The following ELFN1 variants were observed in gnomAD, a reference collection of about 807,000 sequenced individuals.
The protein encoded by ELFN1 is extracellular leucine rich repeat and fibronectin type III domain containing 1.
In ELFN1, 6 loss-of-function variants were observed where a neutral mutation model predicts 7.6. That is an observed-to-expected ratio of 0.79 (90% CI 0.43 to 1.56). The LOEUF is 1.56. Among genes scored for constraint, ELFN1 ranks in the 40% most tolerant of loss-of-function variants. The pLI is 0.01. For missense variants in ELFN1, 1,169 were observed against 1,232.2 expected (o/e 0.95, Z 0.77); for synonymous variants, 657 against 588.1 (o/e 1.12, Z -1.70).
chr7:1,746,767 C>A lies in ELFN1; in HGVS notation c.2171C>A (p.Pro724Gln). ...CCTGCGCCCCCCGGGCCACCGCCGC[C>A]GCCTCCGCACGAGGGCCTGGGGCGC... ...EPPAPPGPPP[P>Q]PPHEGLGRKA... is the part of the protein sequence containing the mutation. The change falls in exon 4 of 4, where the codon CCG becomes CAG. Residue 724 changes from proline to glutamine, a missense_variant. Physicochemically the swap from Pro to Gln is moderately conservative, Grantham distance 76 (BLOSUM62 -1). Coordinates refer to ENST00000424383, the MANE Select transcript of ELFN1 (RefSeq NM_001128636.4). 2 of 1,510,708 alleles carry A rather than the reference C, an allele frequency of 1.3e-6. No individual in the cohort carries two copies. The highest frequency in any genetic ancestry group is 1.8e-6 in the Non-Finnish European group (2 of 1,135,972). The allele number at this position is 1,510,708 out of a possible 1,614,324, so 93.6% of individuals were successfully genotyped here.
At chr7:1,678,866 G>A (rs1778921639) in intron 1 of ELFN1, among the ~76,000 whole-genome samples, 1 of 152,208 alleles carries the variant, frequency 6.6e-6, no homozygotes, top group South Asian at 2.1e-4. Context: ...GTGGGGTGCG[G>A]GCATCGCGTG....
chr7:1,732,943 C>T (rs1780354464), intron 3 of ELFN1, among the ~76,000 whole-genome samples: 1 of 152,172 alleles, frequency 6.6e-6, no homozygotes, highest in African/African-American at 2.4e-5. Flanking sequence ...CTCTGTCACC[C>T]AGGCTGGAGT....
chr7:1,684,885 AAGAGAAAGTAATACATTTAT>A (rs1161489034), intron 1 of ELFN1, among the ~76,000 whole-genome samples: 2 of 152,234 alleles, frequency 1.3e-5, no homozygotes, highest in Non-Finnish European at 2.9e-5. Context: ...AAGGGAAGGA[AAGAGAAAGTAATACATTTAT>A]AGAGCTTTTT....
rs572120271 is a variant in ELFN1, at chr7:1,736,680, G to A, written c.-293-7624G>A. 4.6e-5 allele frequency among the ~76,000 whole-genome samples: 7 copies of A among 152,288 alleles called. No homozygotes were observed. The South Asian group carries it at 1.0e-3, about 23-fold the overall frequency. ...GGCTCCAGCTGGGGAGACACCAGGCGCCGCACACAATCCCAAGAGTCCTTG... is the reference window on the plus strand; with the variant it reads ...GGCTCCAGCTGGGGAGACACCAGGCACCGCACACAATCCCAAGAGTCCTTG... On this transcript the variant is annotated intron_variant, in intron 3 of 3. Transcript: ENST00000424383.
At chr7:1,675,648 G>A (rs1180059367) in intron 1 of ELFN1, among the ~76,000 whole-genome samples, 3 of 152,214 alleles carry the variant, frequency 2.0e-5, no homozygotes, top group African/African-American at 7.2e-5. Context: ...TGGAAATGGG[G>A]GGGCCGTCGG....
At chr7:1,674,168 G>A (rs892483165) in intron 1 of ELFN1, among the ~76,000 whole-genome samples, 1 of 151,056 alleles carries the variant, frequency 6.6e-6, no homozygotes, top group Admixed American at 6.6e-5. Context: ...TGGGCCATGA[G>A]GGGTGCCCAG....
chr7:1,715,734 G>A (rs796451172), intron 3 of ELFN1, among the ~76,000 whole-genome samples: 14 of 152,314 alleles, frequency 9.2e-5, no homozygotes, highest in African/African-American at 2.6e-4. Flanking sequence ...GACAGAAGGC[G>A]TGGCTGCAGA....
At chr7:1,693,953 T>C (rs1779240730) in intron 2 of ELFN1, 1 of 386,566 alleles carries the variant, frequency 2.6e-6, no homozygotes. Flanking sequence ...CCCGTCTGGC[T>C]GTGATTCTTG....
chr7:1,746,531 C>G lies in ELFN1; in HGVS notation c.1935C>G (p.Ser645=). The G allele has an allele frequency of 7.0e-7, 1 of 1,431,614 alleles. No individual in the cohort carries two copies. The highest frequency in any genetic ancestry group is 1.5e-5 in the South Asian group (1 of 68,848). The allele number at this position is 1,431,614 out of a possible 1,614,324, so 88.7% of individuals were successfully genotyped here. A position where few individuals can be genotyped will look rare whatever the true frequency, so the allele number is the denominator to read the frequency against. ...PPRASTSSSG[S]VRSPRAFRAE... ...GTGCCAGCACCTCGTCCAGCGGCTC[C>G]GTGCGCAGCCCCCGCGCCTTCCGAG... Residue 645 remains serine, a synonymous_variant, in exon 4 of 4, where the codon TCC becomes TCG. Transcript: ENST00000424383.
chr7:1,707,850 A>G (rs1779568226), intron 2 of ELFN1, among the ~76,000 whole-genome samples: 1 of 152,110 alleles, frequency 6.6e-6, no homozygotes, highest in South Asian at 2.1e-4. Flanking sequence ...TCCTCCAGCT[A>G]CAGGTTCCTG....
intron 1 of ELFN1, among the ~76,000 whole-genome samples, chr7:1,680,208 G>A (rs1244876670): frequency 2.6e-5 from 4 of 152,298 alleles, no homozygotes; most frequent in African/African-American, 4.8e-5. Flanking sequence ...GACCCGGTCC[G>A]TGGGCCCAGG....
chr7:1,674,407 T>C (rs543071457), intron 1 of ELFN1, among the ~76,000 whole-genome samples: 39 of 152,216 alleles, frequency 2.6e-4, no homozygotes, highest in African/African-American at 8.9e-4. Context: ...AGCAGTTAGT[T>C]CCTCAGGACT....
At chr7:1,716,373 C>T (rs919509962) in intron 3 of ELFN1, among the ~76,000 whole-genome samples, 15 of 152,344 alleles carry the variant, frequency 9.8e-5, no homozygotes, top group African/African-American at 3.6e-4. Context: ...CTGAAGCCCT[C>T]TTGGGGCCCT....
intron 2 of ELFN1, chr7:1,692,033 G>A (rs1779176542): frequency 6.6e-6 from 1 of 152,272 alleles, no homozygotes; most frequent in South Asian, 2.1e-4. Context: ...GGATGGCCAC[G>A]ATGGCTGGTG....
chr7:1,704,355 C>T (rs1026836444), intron 2 of ELFN1, among the ~76,000 whole-genome samples: 21 of 152,156 alleles, frequency 1.4e-4, no homozygotes, highest in African/African-American at 3.4e-4. Context: ...GGTCCTGATC[C>T]GGACAAAAGG....
At chr7:1,680,925 A>G (rs1334483277) in intron 1 of ELFN1, among the ~76,000 whole-genome samples, 1 of 151,686 alleles carries the variant, frequency 6.6e-6, no homozygotes, top group Non-Finnish European at 1.5e-5. Flanking sequence ...TATTTTTAGT[A>G]AAGACAGGGT....
rs574393067 is a variant in ELFN1 at position 1,738,070 on chromosome 7, C to T, written c.-293-6234C>T. ...CCGTGCGACAAGCAGACCTCGCCAG[C>T]GGCTGTGAGTGAACGCAGCGGTTCT... is the stretch of plus-strand genomic sequence containing the variant. On this transcript the variant is annotated intron_variant, in intron 3 of 3. Transcript: ENST00000424383. Among the ~76,000 whole-genome samples, 15 of 152,330 alleles carry T rather than the reference C, an allele frequency of 9.8e-5. No individual in the cohort carries two copies. The East Asian group carries it at 2.5e-3, about 26-fold the overall frequency.
chr7:1,736,034 G>GC (rs1383870447), intron 3 of ELFN1, among the ~76,000 whole-genome samples: 1 of 152,244 alleles, frequency 6.6e-6, no homozygotes. Context: ...GCACAGGCGG[G>GC]CCCCCCACCT....
chr7:1,743,377 C>T (rs1168850780), intron 3 of ELFN1, among the ~76,000 whole-genome samples: 1 of 152,172 alleles, frequency 6.6e-6, no homozygotes, highest in Admixed American at 6.5e-5. Flanking sequence ...CGGAGCTGTC[C>T]CTCTCCCAGC....
Sources: gnomAD v4.1 joint callset for allele counts (sites outside exome capture counted in the v4.1 genomes callset) on GRCh38, gnomAD v4.1.1 for gene constraint, MANE v1.5 for transcripts, NCBI Gene and HGNC (gene_info 2026-07-23, HGNC 2026-07-21) for gene names.